Variants in DYDC2 observed in about 807,000 individuals in gnomAD.
DYDC2 encodes DPY30 domain-containing protein 2.
Under a neutral mutation model 18.7 loss-of-function variants are expected in DYDC2, and 19 were observed. The observed-to-expected ratio is 1.02, with a 90% CI of 0.71 to 1.49. The LOEUF (loss-of-function observed/expected upper bound fraction) is 1.49. DYDC2 is among the 40% of genes most tolerant of loss of function. The probability of loss-of-function intolerance (pLI) is 0.00; values close to 1 mark genes in which losing one functional copy is unlikely to be tolerated. For missense variants in DYDC2, 179 were observed against 205.1 expected, an observed-to-expected ratio of 0.87 and a Z score of 0.78; for synonymous variants, 63 against 67.6, an observed-to-expected ratio of 0.93 and a Z score of 0.34.
intron 2 of DYDC2, among the ~76,000 whole-genome samples, chr10:80,359,213 C>T (rs570237646): frequency 2.7e-4 from 41 of 152,148 alleles, no homozygotes; most frequent in Non-Finnish European, 5.0e-4. Context: ...TGTTTACAAT[C>T]CTTGAGCTAG....
At position 80,359,013 on chromosome 10, in the gene DYDC2, G is replaced by C. The variant is rs561120406; in HGVS notation, c.-10+968G>C. Among the ~76,000 whole-genome samples the C allele has an allele frequency of 3.2e-4, 49 of 152,316 alleles. 1 individual carries two copies. Among genetic ancestry groups the C allele is most frequent in the Non-Finnish European group, 4.4e-4 (30 of 68,026 alleles). On this transcript the variant is annotated intron_variant, in intron 2 of 4. Transcript: ENST00000256039. The stretch of plus-strand genomic sequence containing the variant: ...GAGCAGCAGCAAGATTTACTACAAA[G>C]AGCAAAAGAACAAAGCTTCCAGTGT...
chr10:80,361,410 C>G (rs1286466922), intron 2 of DYDC2, among the ~76,000 whole-genome samples: 1 of 152,148 alleles, frequency 6.6e-6, no homozygotes, highest in African/African-American at 2.4e-5. Context: ...TGTAAAATTT[C>G]TGTATTTCCT....
upstream of DYDC2, chr10:80,352,561 A>C: frequency 6.2e-7 from 1 of 1,613,366 alleles, no homozygotes; most frequent in Non-Finnish European, 8.5e-7. Context: ...ACCTTGAGTT[A>C]AACAGGCCCC....
At chr10:80,358,123 A>G in intron 2 of DYDC2, 78 bp downstream of exon 2, 4 of 948,384 alleles carry the variant, frequency 4.2e-6, no homozygotes, top group Non-Finnish European at 5.0e-6. Context: ...ACCGCCTGTA[A>G]TCCTAGCACT....
rs1843846983 is a variant in DYDC2 at position 80,366,671 on chromosome 10, T to C, written c.271-17T>C. 6.3e-7 allele frequency: 1 copy of C among 1,578,984 alleles called. No homozygotes were observed. Among genetic ancestry groups the C allele is most frequent in the Non-Finnish European group, 8.6e-7 (1 of 1,163,992 alleles). ...GTCTCTAATAATAAGTTTTCGGCTT[T>C]TTTGTTTTCTATTTAGGAACTGACT... is the stretch of plus-strand genomic sequence containing the variant. On this transcript the variant is annotated splice_polypyrimidine_tract_variant and intron_variant, in intron 4 of 4. Coordinates refer to ENST00000256039, the MANE Select transcript of DYDC2 (RefSeq NM_032372.6).
chr10:80,357,960 C>G lies in DYDC2; in HGVS notation c.-95C>G, dbSNP rs1843490006. 1 of 985,052 alleles carries G rather than the reference C, an allele frequency of 1.0e-6. No individual in the cohort carries two copies. The highest frequency in any genetic ancestry group is 1.7e-5 in the African/African-American group (1 of 57,324). 61.0% of individuals were successfully genotyped at this position (985,052 alleles called of 1,614,324 possible). A position where few individuals can be genotyped will look rare whatever the true frequency, so the allele number is the denominator to read the frequency against. ...GACAACCCCTATTCTTATCACCTTG[C>G]CTACTGAGTGCAAGTCCAGGAACTG... On this transcript the variant is annotated 5_prime_UTR_variant, in exon 2 of 5. Coordinates refer to ENST00000256039, the MANE Select transcript of DYDC2 (RefSeq NM_032372.6).
chr10:80,366,699 T>A lies in DYDC2; in HGVS notation c.282T>A (p.Ser94=), dbSNP rs35695306. The A allele has an allele frequency of 2.9e-3, 4,687 of 1,602,882 alleles. 120 individuals carry two copies. In the African/African-American group the frequency reaches 0.053, roughly 18 times the overall value. ...NCEKCHKELT[S]ETVSTKKTIF... ...TGTTTTCTATTTAGGAACTGACTTCTGAAACTGTTTCCACGAAGAAGACCA... is the reference window on the plus strand; with the variant it reads ...TGTTTTCTATTTAGGAACTGACTTCAGAAACTGTTTCCACGAAGAAGACCA... Residue 94 remains serine, a synonymous_variant, in exon 5 of 5, where the codon TCT becomes TCA. Coordinates refer to ENST00000256039, the MANE Select transcript of DYDC2 (RefSeq NM_032372.6).
At chr10:80,351,939 T>A, upstream of DYDC2, 1 of 1,614,202 alleles carries the variant, frequency 6.2e-7, no homozygotes, top group Non-Finnish European at 8.5e-7. Flanking sequence ...AGCCTCTCCA[T>A]CATTTCCTGC....
intron 1 of DYDC2, 146 bp downstream of exon 1, chr10:80,356,971 G>A (rs1375316655): frequency 5.5e-6 from 3 of 548,774 alleles, no homozygotes; most frequent in South Asian, 7.9e-5. Context: ...TGCAGGAGTA[G>A]GAGCCCGCCG....
In DYDC2 at chr10:80,366,435, G is replaced by A. The variant is rs375365173; in HGVS notation, c.271-253G>A. ...TATTACTTGTGTTCTGGACATTGTA[G>A]AGGACGTTTTATAGGGAGTCTAGAT... On this transcript the variant is annotated intron_variant, in intron 4 of 4. Transcript: ENST00000256039. 1.7e-3 allele frequency among the ~76,000 whole-genome samples: 256 copies of A among 152,290 alleles called. 2 individuals carry two copies. The highest frequency in any genetic ancestry group is 6.1e-3 in the African/African-American group (252 of 41,560).
At chr10:80,354,706 GGA>G (rs1476214003), upstream of DYDC2, among the ~76,000 whole-genome samples, 13 of 152,038 alleles carry the variant, frequency 8.6e-5, no homozygotes, top group African/African-American at 2.9e-4. Flanking sequence ...AAAAGAGATG[GGA>G]GAGCGTGCTC....
rs1032729095 is a variant in DYDC2, at chr10:80,346,444, C to CTTTTTT, written c.-310+1651_-310+1656dup. On this transcript the variant is annotated intron_variant, in intron 1 of 4. Transcript: ENST00000372197. The stretch of plus-strand genomic sequence containing the variant: ...TCACCAATGTGTGTCTCTTCCCTTT[C>CTTTTTT]TTTTTTTTTTTTTTTTTTTTTTTTT... 6.3e-3 allele frequency among the ~76,000 whole-genome samples: 526 copies of CTTTTTT among 83,404 alleles called. 32 individuals carry two copies. The highest frequency in any genetic ancestry group is 0.013 in the South Asian group (25 of 1,898). The allele number at this position is 83,404 out of a possible 152,430, so 54.7% of individuals were successfully genotyped here.
chr10:80,365,589 C>G (rs1158081536), intron 4 of DYDC2, among the ~76,000 whole-genome samples: 6 of 152,306 alleles, frequency 3.9e-5, no homozygotes, highest in Non-Finnish European at 2.9e-5. Flanking sequence ...GTAGAATGGA[C>G]CTGTACAACT....
chr10:80,359,038 TGGAAG>T (rs1843575112), intron 2 of DYDC2, among the ~76,000 whole-genome samples: 1 of 152,336 alleles, frequency 6.6e-6, no homozygotes, highest in African/African-American at 2.4e-5. Context: ...GCTTCCAGTG[TGGAAG>T]GGAACCCAGA....
intron 1 of DYDC2, among the ~76,000 whole-genome samples, chr10:80,348,273 A>T (rs1026182956): frequency 2.0e-5 from 3 of 152,182 alleles, no homozygotes; most frequent in African/African-American, 4.8e-5. Context: ...GGTAAACAGG[A>T]TTTAAATTTT....
At chr10:80,353,647 C>A (rs1319350759), upstream of DYDC2, among the ~76,000 whole-genome samples, 3 of 150,576 alleles carry the variant, frequency 2.0e-5, no homozygotes, top group East Asian at 6.2e-4. Context: ...GTCAGGAGAT[C>A]GAGACCATCC....
At chr10:80,359,634 C>T (rs1008827574) in intron 2 of DYDC2, among the ~76,000 whole-genome samples, 3 of 152,134 alleles carry the variant, frequency 2.0e-5, no homozygotes, top group African/African-American at 7.2e-5. Context: ...GTCCGGAGCC[C>T]CGTGGGGAGG....
At chr10:80,363,822 T>C (rs566517035) in intron 4 of DYDC2, among the ~76,000 whole-genome samples, 2 of 152,374 alleles carry the variant, frequency 1.3e-5, no homozygotes, top group South Asian at 2.1e-4. Context: ...TTATATTCTA[T>C]TTACTTTTCT....
chr10:80,365,358 G>C (rs937085369), intron 4 of DYDC2, among the ~76,000 whole-genome samples: 2 of 152,174 alleles, frequency 1.3e-5, no homozygotes, highest in African/African-American at 4.8e-5. Flanking sequence ...GTTATCCTTG[G>C]TATTGATGTC....
Sources: allele counts gnomAD v4.1 joint callset (sites outside exome capture counted in the v4.1 genomes callset), GRCh38; gene constraint gnomAD v4.1.1; transcripts MANE v1.5; gene names NCBI Gene and HGNC (gene_info 2026-07-23, HGNC 2026-07-21).